GPC5: variants seen among roughly 807,000 people sequenced by gnomAD.
The protein encoded by GPC5 is glypican 5, also known as glypican-5.
GPC5 carries 47 observed loss-of-function variants against 53.9 expected under a neutral mutation model. The observed-to-expected ratio is 0.87, with a 90% CI of 0.69 to 1.11. The LOEUF (loss-of-function observed/expected upper bound fraction) is 1.11, where lower values mean the gene tolerates loss of function less well. Among genes scored for constraint, GPC5 ranks in the 50% most tolerant of loss-of-function variants. The pLI, the probability that GPC5 is intolerant of heterozygous loss-of-function variation, is 0.00. For synonymous variants in GPC5, 286 were observed against 263.3 expected (o/e 1.09, Z -0.84); for missense variants, 748 against 713.1 (o/e 1.05, Z -0.56).
At chr13:92,102,791 T>C (rs991623261) in intron 6 of GPC5, among the ~76,000 whole-genome samples, 1 of 152,188 alleles carries the variant, frequency 6.6e-6, no homozygotes, top group Non-Finnish European at 1.5e-5. Flanking sequence ...ACCTCAGCAC[T>C]TTCTCTTTCT....
At chr13:91,605,356 G>T (rs1359663815) in intron 2 of GPC5, among the ~76,000 whole-genome samples, 1 of 140,548 alleles carries the variant, frequency 7.1e-6, no homozygotes, top group Non-Finnish European at 1.5e-5. Flanking sequence ...GGTTACTGTA[G>T]CCTTGTAGTA....
intron 2 of GPC5, among the ~76,000 whole-genome samples, chr13:91,463,255 A>G (rs931025140): frequency 1.3e-5 from 2 of 152,162 alleles, no homozygotes; most frequent in Admixed American, 1.3e-4. Flanking sequence ...TCAACATAGT[A>G]TTTGGTGTGT....
At chr13:91,550,194 G>T (rs1229704438) in intron 2 of GPC5, among the ~76,000 whole-genome samples, 1 of 152,104 alleles carries the variant, frequency 6.6e-6, no homozygotes, top group African/African-American at 2.4e-5. Context: ...AAGGGCCAAA[G>T]TGTATAGACA....
At chr13:92,144,147 T>C (rs2041849852) in intron 6 of GPC5, among the ~76,000 whole-genome samples, 1 of 152,224 alleles carries the variant, frequency 6.6e-6, no homozygotes, top group Non-Finnish European at 1.5e-5. Flanking sequence ...CTGGAACTCC[T>C]GTGCTGTAGG....
intron 6 of GPC5, among the ~76,000 whole-genome samples, chr13:91,946,481 A>C (rs2039975636): frequency 6.6e-6 from 1 of 152,136 alleles, no homozygotes; most frequent in South Asian, 2.1e-4. Flanking sequence ...TTCAAAAAAA[A>C]CGATAAGAAT....
chr13:91,920,280 A>G (rs2039698447), intron 6 of GPC5, among the ~76,000 whole-genome samples: 1 of 152,176 alleles, frequency 6.6e-6, no homozygotes. Flanking sequence ...AGAACTTCAG[A>G]AAATAAATAT....
At chr13:91,784,068 G>T (rs867685748) in intron 5 of GPC5, among the ~76,000 whole-genome samples, 3 of 152,066 alleles carry the variant, frequency 2.0e-5, no homozygotes, top group African/African-American at 7.2e-5. Flanking sequence ...GAAACTATGA[G>T]ACATATTAAA....
chr13:91,635,119 C>G (rs1398778680), intron 2 of GPC5, among the ~76,000 whole-genome samples: 1 of 152,018 alleles, frequency 6.6e-6, no homozygotes, highest in Non-Finnish European at 1.5e-5. Context: ...ATTTGCATCC[C>G]CATTAAGTGG....
intron 6 of GPC5, among the ~76,000 whole-genome samples, chr13:91,926,751 G>A (rs530894414): frequency 8.5e-5 from 13 of 152,188 alleles, no homozygotes; most frequent in Admixed American, 3.9e-4. Context: ...ACAAATGCAG[G>A]AAAATAATCT....
intron 3 of GPC5, among the ~76,000 whole-genome samples, chr13:91,714,950 C>T (rs949269213): frequency 2.6e-5 from 4 of 152,216 alleles, no homozygotes; most frequent in African/African-American, 9.6e-5. Context: ...ACTGCTCCTG[C>T]AGAGCAGAGC....
At chr13:92,527,275 GAAAGAAAA>G (rs1881396477) in intron 7 of GPC5, among the ~76,000 whole-genome samples, 1 of 134,990 alleles carries the variant, frequency 7.4e-6, no homozygotes, top group Admixed American at 7.5e-5. Flanking sequence ...AAGAAAGAAA[GAAAGAAAA>G]AGATCAACAG....
At chr13:92,271,451 T>C (rs1463838246) in intron 7 of GPC5, among the ~76,000 whole-genome samples, 1 of 152,232 alleles carries the variant, frequency 6.6e-6, no homozygotes, top group African/African-American at 2.4e-5. Context: ...CCAGAGTCTT[T>C]TACAACTTAT....
chr13:91,630,096 A>C (rs1266924958), intron 2 of GPC5, among the ~76,000 whole-genome samples: 1 of 152,144 alleles, frequency 6.6e-6, no homozygotes, highest in East Asian at 1.9e-4. Flanking sequence ...CCTTGTAGCT[A>C]TATTTCTATT....
At chr13:91,875,772 G>A (rs1310730235) in intron 5 of GPC5, among the ~76,000 whole-genome samples, 1 of 152,080 alleles carries the variant, frequency 6.6e-6, no homozygotes, top group African/African-American at 2.4e-5. Context: ...AAAATACAGA[G>A]GAACTCCATG....
At chr13:91,843,214 C>T (rs1255110891) in intron 5 of GPC5, among the ~76,000 whole-genome samples, 8 of 152,052 alleles carry the variant, frequency 5.3e-5, no homozygotes, top group East Asian at 1.9e-4. Flanking sequence ...TTATAGTCAC[C>T]GCTCTAAGAA....
At chr13:91,842,095 G>A (rs893115901) in intron 5 of GPC5, among the ~76,000 whole-genome samples, 2 of 151,954 alleles carry the variant, frequency 1.3e-5, no homozygotes, top group African/African-American at 4.8e-5. Context: ...CAACTCTTAA[G>A]TCTTACAGAA....
intron 7 of GPC5, among the ~76,000 whole-genome samples, chr13:92,292,591 T>C (rs1448982771): frequency 2.6e-5 from 4 of 152,216 alleles, no homozygotes; most frequent in South Asian, 2.1e-4. Flanking sequence ...GATGTATAGA[T>C]TGTGAAGGTT....
chr13:92,734,567 A>G (rs1189919862), intron 7 of GPC5, among the ~76,000 whole-genome samples: 2 of 151,954 alleles, frequency 1.3e-5, no homozygotes, highest in East Asian at 3.9e-4. Flanking sequence ...TTTTATTTGC[A>G]GAAGTATATT....
intron 2 of GPC5, among the ~76,000 whole-genome samples, chr13:91,541,843 T>TCTTAACAAA (rs1555321616): frequency 6.6e-6 from 1 of 151,054 alleles, no homozygotes; most frequent in Non-Finnish European, 1.5e-5. Flanking sequence ...AAAGCAGTGA[T>TCTTAACAAA]CATTCTTATT....
Sources: allele counts gnomAD v4.1 joint callset (sites outside exome capture counted in the v4.1 genomes callset), GRCh38; gene constraint gnomAD v4.1.1; transcripts MANE v1.5; gene names NCBI Gene and HGNC (gene_info 2026-07-23, HGNC 2026-07-21).